The following TOX3 variants were observed in gnomAD, a reference collection of about 807,000 sequenced individuals.
TOX3 encodes the protein TOX high mobility group box family member 3, also known as CAG trinucleotide repeat-containing gene F9 protein.
TOX3 carries 22 observed loss-of-function variants against 64.3 expected under a neutral mutation model. The observed-to-expected ratio is 0.34, with a 90% CI of 0.24 to 0.49. The LOEUF (loss-of-function observed/expected upper bound fraction) is 0.49, where lower values mean the gene tolerates loss of function less well. TOX3 is among the 20% of genes least tolerant of loss of function. The probability of loss-of-function intolerance (pLI) is 0.99; values close to 1 mark genes in which losing one functional copy is unlikely to be tolerated. For synonymous variants in TOX3, 291 were observed against 273.6 expected (o/e 1.06, Z -0.63); for missense variants, 661 against 714.4 (o/e 0.93, Z 0.85).
At chr16:52,489,351 C>T (rs1488831345) in intron 1 of TOX3, among the ~76,000 whole-genome samples, 2 of 152,154 alleles carry the variant, frequency 1.3e-5, no homozygotes, top group African/African-American at 4.8e-5. Context: ...TCCCCCTTCA[C>T]CTTTAAGCCT....
intron 1 of TOX3, among the ~76,000 whole-genome samples, chr16:52,544,210 T>G (rs187055928): frequency 3.9e-5 from 6 of 152,220 alleles, no homozygotes; most frequent in Non-Finnish European, 7.4e-5. Flanking sequence ...ACATTTTCAG[T>G]ATAAACCTAT....
At chr16:52,445,874 GA>G in intron 5 of TOX3, 119 bp downstream of exon 5, 2 of 933,970 alleles carry the variant, frequency 2.1e-6, no homozygotes, top group Non-Finnish European at 3.2e-6. Flanking sequence ...CCATTGCTTA[GA>G]AAAGGATTTC....
chr16:52,450,825 GA>G (rs1567313110), intron 3 of TOX3, among the ~76,000 whole-genome samples: 1 of 143,986 alleles, frequency 6.9e-6, no homozygotes. Context: ...AGGAAGGAAG[GA>G]AGGAAGGAAG....
Position 52,439,504 on chromosome 16 carries a change from G to C in TOX3, c.1452C>G (p.His484Gln), listed in dbSNP as rs747270920. ...QQQMQQQHFQ[H>Q]HMQQHLQQQQ... ...GCTGCTGCAGGTGCTGCTGCATGTG[G>C]TGCTGGAAATGCTGCTGCTGCATCT... Residue 484 changes from histidine (H) to glutamine (Q), a missense_variant, in exon 7 of 7, where the codon CAC becomes CAG. By Grantham distance (24) the His-to-Gln change is conservative. This residue lies in a region of TOX3 where 299 missense variants were observed against 292.1 expected (regional missense o/e 1.02). Transcript: ENST00000219746. The C allele has an allele frequency of 1.4e-6, 2 of 1,403,214 alleles. No individual in the cohort carries two copies. Among genetic ancestry groups the C allele is most frequent in the Non-Finnish European group, 2.0e-6 (2 of 1,012,214 alleles). 86.9% of individuals were successfully genotyped at this position (1,403,214 alleles called of 1,614,324 possible). A position where few individuals can be genotyped will look rare whatever the true frequency, so the allele number is the denominator to read the frequency against.
rs146684032 is a variant in TOX3 at position 52,486,922 on chromosome 16, C to T, written c.88-18348G>A. On this transcript the variant is annotated intron_variant, in intron 1 of 6. Coordinates refer to ENST00000219746, the MANE Select transcript of TOX3 (RefSeq NM_001080430.4). Reference sequence around the variant, plus strand: ...CTGCACTCCAGCCTGAGCAACAAAGCGAGCCTCTACATCTTTAATTAATTA... The same window carrying T: ...CTGCACTCCAGCCTGAGCAACAAAGTGAGCCTCTACATCTTTAATTAATTA... Among the ~76,000 whole-genome samples the T allele has an allele frequency of 2.0e-3, 298 of 151,970 alleles. 2 individuals are homozygous for T. Among genetic ancestry groups the T allele is most frequent in the African/African-American group, 6.9e-3 (284 of 41,444 alleles).
chr16:52,488,261 T>C (rs1961583225), intron 1 of TOX3, among the ~76,000 whole-genome samples: 1 of 152,212 alleles, frequency 6.6e-6, no homozygotes, highest in African/African-American at 2.4e-5. Flanking sequence ...TTCATCAGTG[T>C]CCCGTGTAAA....
At chr16:52,515,111 T>A (rs557778283) in intron 1 of TOX3, among the ~76,000 whole-genome samples, 12 of 147,900 alleles carry the variant, frequency 8.1e-5, no homozygotes, top group Non-Finnish European at 1.8e-4. Flanking sequence ...ACCTATTTGA[T>A]ACTCAATATG....
intron 3 of TOX3, among the ~76,000 whole-genome samples, chr16:52,453,776 ACAAG>A (rs60984515): frequency 0.024 from 3,586 of 152,240 alleles, 124 homozygotes; most frequent in African/African-American, 0.082. Flanking sequence ...ATGGCCAAAC[ACAAG>A]CATGTCTCCT....
intron 1 of TOX3, among the ~76,000 whole-genome samples, chr16:52,524,174 G>C (rs774860933): frequency 2.0e-5 from 3 of 152,100 alleles, no homozygotes; most frequent in African/African-American, 4.8e-5. Context: ...AAGCTATTAT[G>C]AATCTCTACA....
chr16:52,439,212 G>GC lies in TOX3; in HGVS notation c.*12dup. The GC allele has an allele frequency of 6.2e-7, 1 of 1,613,782 alleles. No homozygotes were observed. Among genetic ancestry groups the GC allele is most frequent in the Non-Finnish European group, 8.5e-7 (1 of 1,179,800 alleles). On this transcript the variant is annotated 3_prime_UTR_variant, in exon 7 of 7. Transcript: ENST00000219746. ...CTCCTTGGTATACGCAAATCCGTCT[G>GC]CCATATGCGTCTTCAGAAAATACTG...
At chr16:52,470,945 T>TA (rs943453249) in intron 1 of TOX3, among the ~76,000 whole-genome samples, 9 of 152,156 alleles carry the variant, frequency 5.9e-5, no homozygotes, top group Non-Finnish European at 1.3e-4. Context: ...TTCTATTCTG[T>TA]ATTGGGTAAA....
At position 52,439,048 on chromosome 16, in the gene TOX3, A is replaced by ATGTT; in HGVS notation, c.*173_*176dup. Reference sequence around the variant, plus strand: ...AAAGTGATTTATAGTCAGCTAAAAGATGTTACTCAGCTACACTGCAGTTCT... The same window carrying ATGTT: ...AAAGTGATTTATAGTCAGCTAAAAGATGTTTGTTACTCAGCTACACTGCAGTTCT... On this transcript the variant is annotated 3_prime_UTR_variant, in exon 7 of 7. Coordinates refer to ENST00000219746, the MANE Select transcript of TOX3 (RefSeq NM_001080430.4). The ATGTT allele has an allele frequency of 1.1e-6, 1 of 889,740 alleles. No homozygotes were observed. Among genetic ancestry groups the ATGTT allele is most frequent in the Non-Finnish European group, 1.8e-6 (1 of 551,850 alleles). The allele number at this position is 889,740 out of a possible 1,614,324, so 55.1% of individuals were successfully genotyped here.
intron 3 of TOX3, among the ~76,000 whole-genome samples, chr16:52,460,783 T>C (rs1960665089): frequency 6.6e-6 from 1 of 152,172 alleles, no homozygotes; most frequent in South Asian, 2.1e-4. Flanking sequence ...ATCGTTCATC[T>C]GCTCTCTCTC....
chr16:52,507,436 T>C (rs968173537), intron 1 of TOX3, among the ~76,000 whole-genome samples: 6 of 152,130 alleles, frequency 3.9e-5, no homozygotes, highest in African/African-American at 1.2e-4. Flanking sequence ...AAAATGAAAC[T>C]AGAGGCTTTA....
chr16:52,522,810 AT>A (rs901568763), intron 1 of TOX3, among the ~76,000 whole-genome samples: 3 of 152,038 alleles, frequency 2.0e-5, no homozygotes, highest in African/African-American at 4.8e-5. Flanking sequence ...CATGAGAAGC[AT>A]TTTTTTGTTT....
chr16:52,514,869 G>A (rs1962405413), intron 1 of TOX3, among the ~76,000 whole-genome samples: 1 of 151,842 alleles, frequency 6.6e-6, no homozygotes, highest in South Asian at 2.1e-4. Flanking sequence ...AAATCAGCCG[G>A]GCATGGTGGC....
intron 1 of TOX3, among the ~76,000 whole-genome samples, chr16:52,498,745 C>G (rs1170195140): frequency 6.6e-6 from 1 of 152,164 alleles, no homozygotes; most frequent in African/African-American, 2.4e-5. Flanking sequence ...AAAGGGAAAC[C>G]ACAGGATAAA....
At chr16:52,483,123 C>T (rs1325334768) in intron 1 of TOX3, among the ~76,000 whole-genome samples, 1 of 152,160 alleles carries the variant, frequency 6.6e-6, no homozygotes, top group Non-Finnish European at 1.5e-5. Context: ...CAAAAATATG[C>T]CCTCCCAAGA....
chr16:52,523,598 A>G (rs1962660905), intron 1 of TOX3, among the ~76,000 whole-genome samples: 1 of 152,220 alleles, frequency 6.6e-6, no homozygotes, highest in Non-Finnish European at 1.5e-5. Flanking sequence ...CTGTGGGAAT[A>G]AAGACTGACA....
Sources: allele counts gnomAD v4.1 joint callset (sites outside exome capture counted in the v4.1 genomes callset), GRCh38; gene constraint gnomAD v4.1.1; regional missense constraint gnomAD v4.1.1; transcripts MANE v1.5; gene names NCBI Gene and HGNC (gene_info 2026-07-23, HGNC 2026-07-21).